SKAP1: variants seen among roughly 807,000 people sequenced by gnomAD.
SKAP1 encodes the protein src kinase associated phosphoprotein 1.
A neutral mutation model predicts 58.5 loss-of-function variants in SKAP1; 44 were observed. The ratio of observed to expected loss-of-function variants is 0.75; its 90% CI spans 0.59 to 0.97. SKAP1 has a LOEUF of 0.97. SKAP1 is among the 50% of genes least tolerant of loss of function. The probability of loss-of-function intolerance (pLI) is 0.00; values close to 1 mark genes in which losing one functional copy is unlikely to be tolerated. For missense variants in SKAP1, 390 were observed against 435.2 expected (o/e 0.90, Z 0.92); for synonymous variants, 127 against 149.7 (o/e 0.85, Z 1.11).
At chr17:48,294,432 T>G (rs745570162) in intron 4 of SKAP1, 2 of 152,172 alleles carry the variant, frequency 1.3e-5, no homozygotes, top group Admixed American at 6.6e-5. Context: ...GAAATGTCAC[T>G]GAATAGCTCA....
chr17:48,332,985 A>T (rs180985810), intron 4 of SKAP1, among the ~76,000 whole-genome samples: 1 of 152,348 alleles, frequency 6.6e-6, no homozygotes, highest in East Asian at 1.9e-4. Flanking sequence ...ATCGGACAGA[A>T]TTCAATTTTT....
At chr17:48,346,068 T>C (rs2066718961) in intron 3 of SKAP1, 62 bp from the exon 4 acceptor site, 2 of 995,286 alleles carry the variant, frequency 2.0e-6, no homozygotes, top group Non-Finnish European at 3.0e-6. Flanking sequence ...AAAGGATACA[T>C]CCTTATAAAA....
chr17:48,353,891 C>A (rs1598605296), intron 3 of SKAP1, among the ~76,000 whole-genome samples: 1 of 126,544 alleles, frequency 7.9e-6, no homozygotes, highest in Non-Finnish European at 1.6e-5. Flanking sequence ...GAGCAAGACT[C>A]TGTCTCAAAA....
chr17:48,386,984 C>T (rs147024506), intron 2 of SKAP1, among the ~76,000 whole-genome samples: 4 of 152,328 alleles, frequency 2.6e-5, no homozygotes, highest in African/African-American at 7.2e-5. Context: ...AACTCAATTT[C>T]ACAAGAGTCT....
In SKAP1 at chr17:48,430,135, G is replaced by A. The variant is rs1003655335; in HGVS notation, c.-15C>T. On this transcript the variant is annotated 5_prime_UTR_variant, in exon 1 of 13. Coordinates refer to ENST00000336915, the MANE Select transcript of SKAP1 (RefSeq NM_003726.4). ...GCGGCCTGCATTTGGCTGGGCGGGA[G>A]AGAGGCGGGACGGGGCGCGGGCCCT... 4 of 1,258,586 alleles carry A rather than the reference G, an allele frequency of 3.2e-6. No individual in the cohort carries two copies. The highest frequency in any genetic ancestry group is 4.0e-6 in the Non-Finnish European group (4 of 994,272). 78.0% of individuals were successfully genotyped at this position (1,258,586 alleles called of 1,614,324 possible).
chr17:48,145,012 C>T (rs149169681), intron 11 of SKAP1, among the ~76,000 whole-genome samples: 262 of 151,994 alleles, frequency 1.7e-3, no homozygotes, highest in African/African-American at 6.0e-3. Flanking sequence ...CAAAATTGTT[C>T]AATGAAGATG....
chr17:48,244,496 T>G (rs1259249744), intron 4 of SKAP1, among the ~76,000 whole-genome samples: 1 of 152,210 alleles, frequency 6.6e-6, no homozygotes, highest in African/African-American at 2.4e-5. Context: ...TTCATCTTTA[T>G]CTTTATCTTT....
chr17:48,254,321 A>G (rs2065399326), intron 4 of SKAP1, among the ~76,000 whole-genome samples: 1 of 152,192 alleles, frequency 6.6e-6, no homozygotes, highest in South Asian at 2.1e-4. Flanking sequence ...ACAAAGCTAG[A>G]ATGGAATATG....
At chr17:48,263,919 G>T (rs2065511359) in intron 4 of SKAP1, among the ~76,000 whole-genome samples, 1 of 152,136 alleles carries the variant, frequency 6.6e-6, no homozygotes, top group African/African-American at 2.4e-5. Flanking sequence ...AGCAAGAAAG[G>T]AGAGCAAACG....
intron 4 of SKAP1, among the ~76,000 whole-genome samples, chr17:48,289,359 T>A (rs185101569): frequency 1.0e-3 from 159 of 152,192 alleles, no homozygotes; most frequent in African/African-American, 3.5e-3. Context: ...TAAAAAAAAA[T>A]TTGATATCTT....
intron 4 of SKAP1, among the ~76,000 whole-genome samples, chr17:48,269,913 G>A (rs1278971235): frequency 6.6e-6 from 1 of 152,130 alleles, no homozygotes; most frequent in Non-Finnish European, 1.5e-5. Flanking sequence ...GGGAGTTCGC[G>A]ACCTGCCCGA....
chr17:48,396,527 G>A (rs548053109), intron 2 of SKAP1, among the ~76,000 whole-genome samples, 153 bp downstream of exon 2: 71 of 152,244 alleles, frequency 4.7e-4, no homozygotes, highest in African/African-American at 1.6e-3. Context: ...AACTATGCTT[G>A]CCTGCCTCCA....
At chr17:48,188,071 G>T (rs2305433) in intron 5 of SKAP1, 145 bp from the exon 6 acceptor site, 5 of 615,424 alleles carry the variant, frequency 8.1e-6, no homozygotes, top group East Asian at 2.9e-5. Flanking sequence ...CACTCCCACA[G>T]GTTATCCCAT....
intron 3 of SKAP1, among the ~76,000 whole-genome samples, chr17:48,351,343 G>A (rs1352322011): frequency 6.6e-6 from 1 of 152,148 alleles, no homozygotes; most frequent in East Asian, 1.9e-4. Flanking sequence ...ATTTGGATCT[G>A]TGTGGTTAGT....
chr17:48,251,657 C>G (rs1357768980), intron 4 of SKAP1, among the ~76,000 whole-genome samples: 1 of 152,110 alleles, frequency 6.6e-6, no homozygotes, highest in Non-Finnish European at 1.5e-5. Context: ...ACCATAATAG[C>G]TTTCAAAGGC....
Position 48,354,870 on chromosome 17 carries a change from A to C in SKAP1, c.179-8864T>G, listed in dbSNP as rs1025193673. Among the ~76,000 whole-genome samples, 8 of 152,346 alleles carry C rather than the reference A, an allele frequency of 5.3e-5. No individual in the cohort carries two copies. The East Asian group carries it at 5.8e-4, about 11-fold the overall frequency. On this transcript the variant is annotated intron_variant, in intron 3 of 12. Transcript: ENST00000336915. The stretch of plus-strand genomic sequence containing the variant: ...CACAAAAAAGTTTTAAGCAAAAAAA[A>C]CAAAAAAGCTTGTATTCAAATGGAC...
chr17:48,434,794 C>T (rs959340925), upstream of SKAP1, among the ~76,000 whole-genome samples: 15 of 152,170 alleles, frequency 9.9e-5, no homozygotes, highest in African/African-American at 3.6e-4. Context: ...TAGATAGTTA[C>T]AGCCTAGGGA....
chr17:48,202,987 A>G (rs1311955101), intron 4 of SKAP1, among the ~76,000 whole-genome samples: 1 of 152,174 alleles, frequency 6.6e-6, no homozygotes, highest in African/African-American at 2.4e-5. Flanking sequence ...CATGCAGGAG[A>G]GAGAAAGAGA....
chr17:48,168,516 G>A (rs768075359), intron 10 of SKAP1, among the ~76,000 whole-genome samples: 24 of 152,176 alleles, frequency 1.6e-4, no homozygotes, highest in Non-Finnish European at 3.4e-4. Flanking sequence ...AATTAGCCAG[G>A]CGTGGTGGCA....
Sources: gnomAD v4.1 joint callset for allele counts (sites outside exome capture counted in the v4.1 genomes callset) on GRCh38, gnomAD v4.1.1 for gene constraint, MANE v1.5 for transcripts, NCBI Gene and HGNC (gene_info 2026-07-23, HGNC 2026-07-21) for gene names.